The following SPDYE10 variants were observed in gnomAD, a reference collection of about 807,000 sequenced individuals.
SPDYE10 encodes the protein speedy protein E10.
chr7:73,134,894 A>G, the SPDYE10 span, among the ~76,000 whole-genome samples: 2 of 147,154 alleles, frequency 1.4e-5, no homozygotes, highest in African/African-American at 5.0e-5. Flanking sequence ...AAAAAGAAAG[A>G]AAAAAAAAAT....
chr7:73,131,181 A>G, the SPDYE10 span, among the ~76,000 whole-genome samples: 1 of 133,210 alleles, frequency 7.5e-6, no homozygotes, highest in Non-Finnish European at 1.6e-5. Flanking sequence ...AACCTGGGTG[A>G]CAGAGCAAGA....
chr7:73,135,496 C>T, the SPDYE10 span, among the ~76,000 whole-genome samples: 2 of 143,698 alleles, frequency 1.4e-5, no homozygotes, highest in African/African-American at 2.6e-5. Flanking sequence ...TTGAGGCTTT[C>T]CTTTCCTAAA....
chr7:73,138,365 T>C, the SPDYE10 span, among the ~76,000 whole-genome samples: 1 of 151,674 alleles, frequency 6.6e-6, no homozygotes, highest in Non-Finnish European at 1.5e-5. Context: ...GGGCCTAATT[T>C]GTGTGCTGTT....
the SPDYE10 span, among the ~76,000 whole-genome samples, chr7:73,135,815 C>A: frequency 1.3e-4 from 11 of 83,730 alleles, no homozygotes; most frequent in Non-Finnish European, 2.0e-4. Flanking sequence ...GTGATCCCCC[C>A]ACCTCGGCCT....
At chr7:73,145,162 TTCTCTTTCTCTC>T in the SPDYE10 span, among the ~76,000 whole-genome samples, 1 of 142,254 alleles carries the variant, frequency 7.0e-6, no homozygotes, top group Non-Finnish European at 1.5e-5. Flanking sequence ...CTTTCTTTCT[TTCTCTTTCTCTC>T]TCTCTTTCAT....
chr7:73,147,898 C>T, the SPDYE10 span, among the ~76,000 whole-genome samples: 38 of 151,222 alleles, frequency 2.5e-4, no homozygotes, highest in African/African-American at 8.9e-4. Context: ...CCTCCGCTTC[C>T]CCGGTTCAAG....
At chr7:73,132,651 G>T in the SPDYE10 span, among the ~76,000 whole-genome samples, 1 of 150,544 alleles carries the variant, frequency 6.6e-6, no homozygotes, top group Admixed American at 6.7e-5. Context: ...TAGGCCTGGG[G>T]TGCGGATGAT....
the SPDYE10 span, among the ~76,000 whole-genome samples, chr7:73,137,624 AAGAAAGAAAG>A: frequency 1.4e-5 from 2 of 143,564 alleles, no homozygotes; most frequent in Non-Finnish European, 3.0e-5. Flanking sequence ...GAAAGAAAGA[AAGAAAGAAAG>A]AAAGAAAGGA....
chr7:73,153,346 C>T, the SPDYE10 span, among the ~76,000 whole-genome samples: 3 of 38,460 alleles, frequency 7.8e-5, no homozygotes, highest in Admixed American at 2.7e-4. Context: ...GGCATGGTGG[C>T]TTATGCCTGT....
chr7:73,142,980 GAGGAAGGAAGGAAGGAAGGAAGGA>G, the SPDYE10 span, among the ~76,000 whole-genome samples: 1 of 93,732 alleles, frequency 1.1e-5, no homozygotes, highest in East Asian at 3.0e-4. Flanking sequence ...GGGAGGGAGG[GAGGAAGGAAGGAAGGAAGGAAGGA>G]AGGAAGGAAG....
At chr7:73,135,894 T>C in the SPDYE10 span, among the ~76,000 whole-genome samples, 2 of 131,478 alleles carry the variant, frequency 1.5e-5, no homozygotes, top group African/African-American at 6.0e-5. Flanking sequence ...TTTTTTTTTT[T>C]TTTGAGATAG....
At chr7:73,134,335 C>CA in the SPDYE10 span, among the ~76,000 whole-genome samples, 3 of 139,140 alleles carry the variant, frequency 2.2e-5, no homozygotes, top group Non-Finnish European at 4.5e-5. Context: ...AACACTTGGA[C>CA]ACAGGGTGGG....
the SPDYE10 span, among the ~76,000 whole-genome samples, chr7:73,145,300 T>C: frequency 7.5e-6 from 1 of 133,760 alleles, no homozygotes; most frequent in African/African-American, 3.0e-5. Flanking sequence ...CAGACAACAG[T>C]GCAGTGGTGC....
the SPDYE10 span, among the ~76,000 whole-genome samples, chr7:73,142,734 C>G: frequency 2.6e-5 from 4 of 152,056 alleles, no homozygotes; most frequent in East Asian, 1.9e-4. Context: ...GTCAGGAGTT[C>G]GAGACCAGCT....
At chr7:73,149,487 C>T in the SPDYE10 span, among the ~76,000 whole-genome samples, 1 of 145,656 alleles carries the variant, frequency 6.9e-6, no homozygotes, top group Non-Finnish European at 1.5e-5. Context: ...CGGGGTTTCA[C>T]CATGTTAGCC....
chr7:73,137,619 AAAGAAAG>A, the SPDYE10 span, among the ~76,000 whole-genome samples: 1 of 143,640 alleles, frequency 7.0e-6, no homozygotes, highest in East Asian at 2.0e-4. Context: ...AGAAAGAAAG[AAAGAAAG>A]AAAGAAAGAA....
At chr7:73,104,716 C>T in the SPDYE10 span, 1 of 135,896 alleles carries the variant, frequency 7.4e-6, no homozygotes. Context: ...ATTTCTATCA[C>T]CAGAATTATG....
chr7:73,154,473 C>A, the SPDYE10 span, among the ~76,000 whole-genome samples: 1 of 148,500 alleles, frequency 6.7e-6, no homozygotes, highest in Non-Finnish European at 1.5e-5. Flanking sequence ...TCCCCCGGGT[C>A]ACCCCCTTTG....
the SPDYE10 span, among the ~76,000 whole-genome samples, chr7:73,149,315 T>G: frequency 1.8e-5 from 2 of 110,800 alleles, no homozygotes; most frequent in Admixed American, 2.0e-4. Flanking sequence ...GGGGACAGAG[T>G]CTCGCTCTGT....
Sources: allele counts gnomAD v4.1 joint callset (sites outside exome capture counted in the v4.1 genomes callset), GRCh38; gene constraint gnomAD v4.1.1; transcripts MANE v1.5; gene names NCBI Gene and HGNC (gene_info 2026-07-23, HGNC 2026-07-21).